HS3ST5: variants seen among roughly 807,000 people sequenced by gnomAD.
The protein encoded by HS3ST5 is heparan sulfate-glucosamine 3-sulfotransferase 5.
A neutral mutation model predicts 25.4 loss-of-function variants in HS3ST5; 10 were observed. That is an observed-to-expected ratio of 0.39 (90% CI 0.24 to 0.67). The LOEUF (loss-of-function observed/expected upper bound fraction) is 0.67. Ranked by LOEUF, HS3ST5 falls within the 30% of genes least tolerant of loss-of-function variation. The pLI, the probability that HS3ST5 is intolerant of heterozygous loss-of-function variation, is 0.44. For missense variants in HS3ST5, 324 were observed against 420.7 expected (o/e 0.77, Z 2.01); for synonymous variants, 170 against 162.4 (o/e 1.05, Z -0.36).
chr6:114,092,651 C>CTCAT (rs145257849), intron 3 of HS3ST5, among the ~76,000 whole-genome samples: 1 of 146,646 alleles, frequency 6.8e-6, no homozygotes, highest in Non-Finnish European at 1.5e-5. Context: ...AGATGTCAGG[C>CTCAT]TTATTTATTT....
chr6:114,189,115 A>C (rs1450449281), intron 2 of HS3ST5, among the ~76,000 whole-genome samples: 1 of 152,102 alleles, frequency 6.6e-6, no homozygotes, highest in African/African-American at 2.4e-5. Flanking sequence ...AATTTTCTGA[A>C]TCTTATGTAT....
intron 3 of HS3ST5, among the ~76,000 whole-genome samples, chr6:114,147,891 C>T (rs1778249579): frequency 1.3e-5 from 2 of 152,240 alleles, no homozygotes; most frequent in African/African-American, 2.4e-5. Flanking sequence ...GAGAAATAAA[C>T]TTCTCTTAGA....
chr6:114,293,575 G>T (rs554791539), intron 1 of HS3ST5, among the ~76,000 whole-genome samples: 1 of 152,316 alleles, frequency 6.6e-6, no homozygotes, highest in Admixed American at 6.5e-5. Context: ...AGCTAGGGAA[G>T]TTCATGGGGC....
chr6:114,224,498 AG>A (rs1211300046), intron 2 of HS3ST5, among the ~76,000 whole-genome samples: 4 of 151,276 alleles, frequency 2.6e-5, no homozygotes, highest in Non-Finnish European at 5.9e-5. Flanking sequence ...TGAGAGGAAA[AG>A]TTCTCTCTCT....
chr6:114,159,769 A>G (rs1286985198), intron 3 of HS3ST5, among the ~76,000 whole-genome samples: 2 of 152,206 alleles, frequency 1.3e-5, no homozygotes, highest in East Asian at 3.8e-4. Flanking sequence ...TTATCAAAAA[A>G]TTTTCTGGCA....
At chr6:114,247,182 C>T (rs1448917627) in intron 1 of HS3ST5, among the ~76,000 whole-genome samples, 1 of 152,160 alleles carries the variant, frequency 6.6e-6, no homozygotes, top group Non-Finnish European at 1.5e-5. Flanking sequence ...GTTAAGCTTA[C>T]ACTGTTGTTA....
At chr6:114,341,260 A>AGAGAGAGAGAGAGG in intron 1 of HS3ST5, among the ~76,000 whole-genome samples, 1 of 145,154 alleles carries the variant, frequency 6.9e-6, no homozygotes. Flanking sequence ...AGAGAGAGAG[A>AGAGAGAGAGAGAGG]GTGAGTCCCA....
intron 3 of HS3ST5, among the ~76,000 whole-genome samples, chr6:114,134,300 A>C (rs1777488008): frequency 1.3e-5 from 2 of 152,202 alleles, no homozygotes; most frequent in Admixed American, 1.3e-4. Flanking sequence ...ACAGGTGAAG[A>C]AAATGAGGTC....
chr6:114,109,964 T>C (rs925193212), intron 3 of HS3ST5, among the ~76,000 whole-genome samples: 1 of 152,330 alleles, frequency 6.6e-6, no homozygotes, highest in East Asian at 1.9e-4. Context: ...ACTTATATAA[T>C]GGTCAAATGG....
At chr6:114,115,769 C>G (rs17794523) in intron 3 of HS3ST5, among the ~76,000 whole-genome samples, 1 of 151,796 alleles carries the variant, frequency 6.6e-6, no homozygotes, top group Non-Finnish European at 1.5e-5. Context: ...CTATGATTGA[C>G]GGTGGTAAAT....
chr6:114,240,494 GA>G (rs960277227), intron 1 of HS3ST5, among the ~76,000 whole-genome samples: 6 of 152,088 alleles, frequency 3.9e-5, no homozygotes, highest in East Asian at 1.9e-4. Flanking sequence ...TCCACTGGTG[GA>G]AAAAAAATAT....
At chr6:114,211,055 C>T (rs1781491376) in intron 2 of HS3ST5, among the ~76,000 whole-genome samples, 1 of 152,176 alleles carries the variant, frequency 6.6e-6, no homozygotes, top group African/African-American at 2.4e-5. Flanking sequence ...ACATAATGTA[C>T]TATTTTAGGC....
intron 3 of HS3ST5, among the ~76,000 whole-genome samples, chr6:114,137,698 A>G (rs1389155238): frequency 6.6e-6 from 1 of 152,162 alleles, no homozygotes; most frequent in African/African-American, 2.4e-5. Context: ...GCAGGGATTC[A>G]TGGCAAGTCA....
chr6:114,087,212 A>G (rs1774885033), intron 3 of HS3ST5, among the ~76,000 whole-genome samples: 1 of 152,196 alleles, frequency 6.6e-6, no homozygotes, highest in Admixed American at 6.5e-5. Context: ...ATGTCCACAC[A>G]GACCCTAAAT....
chr6:114,221,587 T>G (rs113530719), intron 2 of HS3ST5, among the ~76,000 whole-genome samples: 33 of 151,142 alleles, frequency 2.2e-4, no homozygotes, highest in African/African-American at 7.8e-4. Flanking sequence ...ATTTACTAAA[T>G]TTTACTGAAA....
intron 2 of HS3ST5, among the ~76,000 whole-genome samples, chr6:114,202,143 G>A (rs538424903): frequency 6.6e-5 from 10 of 152,030 alleles, no homozygotes; most frequent in African/African-American, 1.9e-4. Flanking sequence ...TCAAAAGGCC[G>A]GGGAAAATGA....
chr6:114,162,550 T>A (rs1779022715), intron 3 of HS3ST5, among the ~76,000 whole-genome samples: 1 of 152,212 alleles, frequency 6.6e-6, no homozygotes, highest in Non-Finnish European at 1.5e-5. Flanking sequence ...ACTTTAATGA[T>A]GTCACTCCCC....
At chr6:114,340,212 T>C (rs1776769660) in intron 1 of HS3ST5, among the ~76,000 whole-genome samples, 1 of 152,198 alleles carries the variant, frequency 6.6e-6, no homozygotes, top group African/African-American at 2.4e-5. Context: ...TGTTAAAATT[T>C]AAGCATGAGC....
At chr6:114,244,971 A>C (rs1772313690) in intron 1 of HS3ST5, among the ~76,000 whole-genome samples, 1 of 152,244 alleles carries the variant, frequency 6.6e-6, no homozygotes, top group Non-Finnish European at 1.5e-5. Flanking sequence ...TACCTTCAGT[A>C]GTAAAATTTG....
Sources: gnomAD v4.1 joint callset for allele counts (sites outside exome capture counted in the v4.1 genomes callset) on GRCh38, gnomAD v4.1.1 for gene constraint, MANE v1.5 for transcripts, NCBI Gene and HGNC (gene_info 2026-07-23, HGNC 2026-07-21) for gene names.